The following ZNF214 variants were observed in gnomAD, a reference collection of about 807,000 sequenced individuals.
ZNF214 encodes BWSCR2-associated zinc finger protein 1.
A neutral mutation model predicts 53.9 loss-of-function variants in ZNF214; 43 were observed. That is an observed-to-expected ratio of 0.80 (90% CI 0.63 to 1.03). ZNF214 has a LOEUF of 1.03. Ranked by LOEUF, ZNF214 falls within the 50% of genes least tolerant of loss-of-function variation. The pLI is 0.00. For synonymous variants in ZNF214, 217 were observed against 229.5 expected (o/e 0.95, Z 0.49); for missense variants, 724 against 719.1 (o/e 1.01, Z -0.08).
chr11:7,005,157 A>G (rs1018320259), intron 1 of ZNF214, among the ~76,000 whole-genome samples: 5 of 151,864 alleles, frequency 3.3e-5, no homozygotes, highest in African/African-American at 1.2e-4. Flanking sequence ...ATAATTCTAT[A>G]TGACAAATAG....
intron 1 of ZNF214, among the ~76,000 whole-genome samples, chr11:7,007,660 C>G (rs1041885218): frequency 6.6e-6 from 1 of 151,668 alleles, no homozygotes; most frequent in South Asian, 2.1e-4. Flanking sequence ...ATATACATAC[C>G]ATTAGTTGTA....
At chr11:7,003,191 G>T (rs1851393705) in intron 1 of ZNF214, among the ~76,000 whole-genome samples, 1 of 151,962 alleles carries the variant, frequency 6.6e-6, no homozygotes, top group South Asian at 2.1e-4. Flanking sequence ...TATTAAAACT[G>T]CCTAAAGTAA....
chr11:7,014,508 A>G (rs897437481), intron 1 of ZNF214, among the ~76,000 whole-genome samples: 4 of 152,214 alleles, frequency 2.6e-5, no homozygotes, highest in Non-Finnish European at 5.9e-5. Flanking sequence ...CAATTTTACA[A>G]TGTTCAAAAA....
chr11:7,016,107 A>T (rs1214673101), intron 1 of ZNF214: 2 of 152,204 alleles, frequency 1.3e-5, no homozygotes, highest in Non-Finnish European at 2.9e-5. Flanking sequence ...TCAGATATGC[A>T]TTATAGTTCA....
chr11:7,004,669 G>A (rs1370335792), intron 1 of ZNF214, among the ~76,000 whole-genome samples: 2 of 152,082 alleles, frequency 1.3e-5, no homozygotes, highest in Non-Finnish European at 2.9e-5. Flanking sequence ...TATATGTCAT[G>A]TCATGAGAAA....
At position 7,000,704 on chromosome 11, in the gene ZNF214, C is replaced by T. The variant is rs757882276; in HGVS notation, c.979G>A (p.Glu327Lys). The change falls in exon 3 of 3, where the codon GAA becomes AAA. Residue 327 changes from glutamate to lysine, a missense_variant. Coordinates refer to ENST00000278314, the MANE Select transcript of ZNF214 (RefSeq NM_013249.4). ...CACTCAATTTTATAGAATTTCTCTT[C>T]TGTGTGGACTCTTTGATGATTGTGA... The part of the protein sequence containing the change: ...SLHNHQRVHT[E>K]EKFYKIECDK... The T allele has an allele frequency of 3.7e-6, 6 of 1,606,444 alleles. No individual in the cohort carries two copies. Among genetic ancestry groups the T allele is most frequent in the Non-Finnish European group, 5.1e-6 (6 of 1,177,830 alleles).
rs1221881273 is a variant in ZNF214, at chr11:7,000,894, A to G, written c.789T>C (p.Tyr263=). The change falls in exon 3 of 3, where the codon TAT becomes TAC. Residue 263 remains tyrosine, a synonymous_variant. Transcript: ENST00000278314. ...KACFSQRSDL[Y]RHPRNHIGKK... is the part of the protein sequence containing the mutation. Reference sequence around the variant, plus strand: ...TACCTATGTGGTTTCTTGGATGTCTATACAAGTCTGATCTCTGAGAGAAGC... The same window carrying G: ...TACCTATGTGGTTTCTTGGATGTCTGTACAAGTCTGATCTCTGAGAGAAGC... The G allele has an allele frequency of 1.2e-5, 20 of 1,613,128 alleles. No individual in the cohort carries two copies. The highest frequency in any genetic ancestry group is 2.5e-6 in the Non-Finnish European group (3 of 1,179,590).
chr11:7,018,726 T>A (rs972097507), intron 1 of ZNF214, among the ~76,000 whole-genome samples: 4 of 152,086 alleles, frequency 2.6e-5, no homozygotes, highest in Admixed American at 6.5e-5. Flanking sequence ...GGTCTCAAAC[T>A]CCTGACCTCA....
intron 1 of ZNF214, among the ~76,000 whole-genome samples, chr11:7,017,230 A>T (rs1323941562): frequency 6.6e-6 from 1 of 152,212 alleles, no homozygotes; most frequent in Non-Finnish European, 1.5e-5. Flanking sequence ...GTGCTGGCAA[A>T]GGCTCAGTAA....
chr11:7,018,370 A>C (rs1254438929), intron 1 of ZNF214, among the ~76,000 whole-genome samples: 1 of 152,128 alleles, frequency 6.6e-6, no homozygotes, highest in Non-Finnish European at 1.5e-5. Flanking sequence ...CTTCCTACTC[A>C]TAATTGTTCA....
At chr11:7,011,622 C>T (rs1851607846) in intron 1 of ZNF214, among the ~76,000 whole-genome samples, 2 of 151,914 alleles carry the variant, frequency 1.3e-5, no homozygotes, top group South Asian at 4.1e-4. Flanking sequence ...CAAGAATGAC[C>T]ACCGTCACTG....
rs957099781 is a variant in ZNF214 at position 6,999,665 on chromosome 11, C to A, written c.*197G>T. The stretch of plus-strand genomic sequence containing the variant: ...TATTTATAGTAGGTAAAGAAAAATA[C>A]ACTATAATTTTAAATATATAGGGTT... On this transcript the variant is annotated 3_prime_UTR_variant, in exon 3 of 3. Coordinates refer to ENST00000278314, the MANE Select transcript of ZNF214 (RefSeq NM_013249.4). 11 of 483,802 alleles carry A rather than the reference C, an allele frequency of 2.3e-5. No homozygotes were observed. The highest frequency in any genetic ancestry group is 3.9e-5 in the African/African-American group (2 of 51,702). The allele number at this position is 483,802 out of a possible 1,614,324, so 30.0% of individuals were successfully genotyped here.
In ZNF214 at chr11:7,001,158, G is replaced by GTT; in HGVS notation, c.523_524dup (p.Asn175LysfsTer12). On this transcript the variant is annotated frameshift_variant, in exon 3 of 3. Coordinates refer to ENST00000278314, the MANE Select transcript of ZNF214 (RefSeq NM_013249.4). LOFTEE classifies it high-confidence loss of function. ...GCTTCTGTTCTTTTTCCATGGAGAG[G>GTT]TTTTTCCTGGATATGCCAAGACGGT... 6.2e-7 allele frequency: 1 copy of GTT among 1,613,266 alleles called. No individual in the cohort carries two copies. Among genetic ancestry groups the GTT allele is most frequent in the Non-Finnish European group, 8.5e-7 (1 of 1,179,532 alleles).
At position 7,010,519 on chromosome 11, in the gene ZNF214, C is replaced by G. The variant is rs60243552; in HGVS notation, c.-20-7664G>C. ...TAATTTGAATGTCAAACACTCATGA[C>G]TCACAATTTATATAACAAAGCTGTA... is the stretch of plus-strand genomic sequence containing the variant. On this transcript the variant is annotated intron_variant, in intron 1 of 2. Transcript: ENST00000278314. Among the ~76,000 whole-genome samples the G allele has an allele frequency of 5.4e-3, 816 of 151,632 alleles. 3 individuals carry two copies. The highest frequency in any genetic ancestry group is 0.013 in the African/African-American group (538 of 41,382).
intron 1 of ZNF214, among the ~76,000 whole-genome samples, chr11:7,010,106 A>G (rs1372588503): frequency 1.3e-4 from 20 of 152,138 alleles, no homozygotes; most frequent in Admixed American, 1.2e-3. Flanking sequence ...TACCATAAAG[A>G]CAATAAGCAT....
chr11:7,012,766 G>C (rs1005735789), intron 1 of ZNF214, among the ~76,000 whole-genome samples: 5 of 152,176 alleles, frequency 3.3e-5, no homozygotes, highest in Admixed American at 2.6e-4. Context: ...CAAGACGTCA[G>C]AAATAAAGTG....
chr11:7,007,322 A>AAT (rs1554951039), intron 1 of ZNF214, among the ~76,000 whole-genome samples: 38,785 of 149,764 alleles, frequency 0.26, 5,388 homozygotes, highest in Admixed American at 0.32. Context: ...AAAAATAATA[A>AAT]AATAATTATA....
intron 1 of ZNF214, among the ~76,000 whole-genome samples, chr11:7,014,651 C>T (rs1393817104): frequency 6.6e-6 from 1 of 151,930 alleles, no homozygotes; most frequent in Non-Finnish European, 1.5e-5. Flanking sequence ...ATTCTGGAGT[C>T]ATCAGAGGGC....
At position 7,000,500 on chromosome 11, in the gene ZNF214, A is replaced by C. The variant is rs745426987; in HGVS notation, c.1183T>G (p.Phe395Val). Residue 395 changes from phenylalanine to valine, a missense_variant, in exon 3 of 3, where the codon TTC (phenylalanine) becomes GTC (valine). Transcript: ENST00000278314. ...ATTCGAAGATTTGAGCTCTGGCTGAAACCCTTACCACACTCATCACACTTA... is the reference window on the plus strand; with the variant it reads ...ATTCGAAGATTTGAGCTCTGGCTGACACCCTTACCACACTCATCACACTTA... ...PYKCDECGKG[F>V]SQSSNLRIHQ... is the part of the protein sequence containing the mutation. 4.3e-6 allele frequency: 7 copies of C among 1,612,812 alleles called. No homozygotes were observed. Among genetic ancestry groups the C allele is most frequent in the Non-Finnish European group, 5.9e-6 (7 of 1,179,388 alleles).
Sources: gnomAD v4.1 joint callset for allele counts (sites outside exome capture counted in the v4.1 genomes callset) on GRCh38, gnomAD v4.1.1 for gene constraint, MANE v1.5 for transcripts, NCBI Gene and HGNC (gene_info 2026-07-23, HGNC 2026-07-21) for gene names.